Variants in SLC30A9 observed in about 807,000 individuals in gnomAD.
SLC30A9 encodes the protein proton-coupled zinc antiporter SLC30A9, mitochondrial.
In SLC30A9, 58 loss-of-function variants were observed where a neutral mutation model predicts 87.5. The observed-to-expected ratio is 0.66, with a 90% CI of 0.54 to 0.82. The LOEUF is 0.82. Among genes scored for constraint, SLC30A9 ranks in the 40% least tolerant of loss-of-function variants. The pLI is 0.00. For synonymous variants in SLC30A9, 234 were observed against 233.0 expected (o/e 1.00, Z -0.04); for missense variants, 557 against 679.1 (o/e 0.82, Z 2.00).
intron 8 of SLC30A9, among the ~76,000 whole-genome samples, 181 bp from the exon 9 acceptor site, chr4:42,049,196 C>T (rs1717286922): frequency 6.6e-6 from 1 of 152,040 alleles, no homozygotes. Flanking sequence ...GAACTCCTGT[C>T]CTCAAGCCAT....
chr4:42,065,423 G>A, intron 12 of SLC30A9, 74 bp downstream of exon 12: 1 of 855,912 alleles, frequency 1.2e-6, no homozygotes. Context: ...ATTATAGTTT[G>A]CTAAGTTCTG....
At chr4:42,021,620 C>T (rs576908761) in intron 4 of SLC30A9, among the ~76,000 whole-genome samples, 1 of 152,182 alleles carries the variant, frequency 6.6e-6, no homozygotes, top group Non-Finnish European at 1.5e-5. Context: ...TTTATGACAT[C>T]ATTCCTTTGA....
Position 42,022,910 on chromosome 4 carries a change from G to A in SLC30A9, c.507G>A (p.Leu169=). The stretch of plus-strand genomic sequence containing the variant: ...ATACTGAGTCTTTTACTGTATACTT[G>A]AGATCAGATGTGGAAGCAAAGTAAG... The part of the protein sequence containing the change: ...HEDTESFTVY[L]RSDVEAKSLE... Residue 169 remains leucine, a synonymous_variant, in exon 5 of 18, where the codon TTG becomes TTA. Transcript: ENST00000264451. 2 of 1,574,660 alleles carry A rather than the reference G, an allele frequency of 1.3e-6. No homozygotes were observed. Among genetic ancestry groups the A allele is most frequent in the Non-Finnish European group, 1.7e-6 (2 of 1,156,734 alleles).
intron 6 of SLC30A9, among the ~76,000 whole-genome samples, chr4:42,032,185 G>A (rs1180869206): frequency 6.6e-6 from 1 of 152,076 alleles, no homozygotes; most frequent in African/African-American, 2.4e-5. Context: ...AATCATTCAT[G>A]AGAATTCACC....
intron 10 of SLC30A9, among the ~76,000 whole-genome samples, chr4:42,061,639 T>C (rs1250817257): frequency 6.6e-6 from 1 of 152,240 alleles, no homozygotes; most frequent in Non-Finnish European, 1.5e-5. Flanking sequence ...GGCTCATGCC[T>C]GTAATCCCAG....
intron 8 of SLC30A9, among the ~76,000 whole-genome samples, chr4:42,043,847 C>T (rs1275044979): frequency 1.3e-5 from 2 of 152,178 alleles, no homozygotes; most frequent in East Asian, 3.9e-4. Flanking sequence ...CAAAGGGAAG[C>T]CCACCAGACT....
At chr4:42,001,568 C>T (rs747600903) in intron 1 of SLC30A9, 48 bp from the exon 2 acceptor site, 7 of 1,227,776 alleles carry the variant, frequency 5.7e-6, no homozygotes, top group African/African-American at 1.5e-5. Context: ...ATTAATTATG[C>T]AGCTAGGACT....
chr4:42,056,464 A>G (rs866958292), intron 9 of SLC30A9, among the ~76,000 whole-genome samples: 2 of 152,144 alleles, frequency 1.3e-5, no homozygotes, highest in Admixed American at 6.5e-5. Context: ...CCTTTTTAAA[A>G]CCATCAGATC....
intron 10 of SLC30A9, 64 bp downstream of exon 10, chr4:42,060,310 A>G (rs745978757): frequency 1.6e-6 from 2 of 1,234,864 alleles, no homozygotes; most frequent in Admixed American, 1.7e-5. Flanking sequence ...ATAACTAAAT[A>G]TCAGAAATCT....
At chr4:42,079,097 C>T (rs7660223) in intron 17 of SLC30A9, among the ~76,000 whole-genome samples, 98,210 of 151,886 alleles carry the variant, frequency 0.65, 36,634 homozygotes, top group East Asian at 0.96. Flanking sequence ...TGAGCTTTAT[C>T]TGACATAATT....
chr4:42,014,885 A>G (rs1185702436), intron 2 of SLC30A9, among the ~76,000 whole-genome samples: 1 of 152,150 alleles, frequency 6.6e-6, no homozygotes, highest in African/African-American at 2.4e-5. Flanking sequence ...AGAGAGTAGA[A>G]TGATGGTTAC....
chr4:41,993,032 G>A (rs532643826), intron 1 of SLC30A9, among the ~76,000 whole-genome samples: 48 of 151,870 alleles, frequency 3.2e-4, no homozygotes, highest in Non-Finnish European at 5.3e-4. Context: ...GCCTTTAAAG[G>A]CAAAATAGAA....
At chr4:42,033,995 C>T (rs1411938167) in intron 6 of SLC30A9, among the ~76,000 whole-genome samples, 1 of 150,138 alleles carries the variant, frequency 6.7e-6, no homozygotes, top group African/African-American at 2.4e-5. Flanking sequence ...TTCAATCATT[C>T]CCCCATAGGA....
At chr4:42,007,426 G>A (rs1715256928) in intron 2 of SLC30A9, among the ~76,000 whole-genome samples, 1 of 152,146 alleles carries the variant, frequency 6.6e-6, no homozygotes, top group Non-Finnish European at 1.5e-5. Context: ...GTTATCCAGT[G>A]AATCTACTAG....
intron 1 of SLC30A9, among the ~76,000 whole-genome samples, chr4:41,999,009 CAA>C (rs748399328): frequency 6.6e-6 from 1 of 152,052 alleles, no homozygotes; most frequent in East Asian, 1.9e-4. Context: ...AAAAAGCTAT[CAA>C]AGATTATGAA....
chr4:42,003,450 A>AT (rs1184710065), intron 2 of SLC30A9, among the ~76,000 whole-genome samples: 1 of 151,982 alleles, frequency 6.6e-6, no homozygotes, highest in African/African-American at 2.4e-5. Flanking sequence ...GGTTCTGTAA[A>AT]TTTTTGCTTT....
At chr4:42,071,761 A>G (rs1007091619) in intron 15 of SLC30A9, among the ~76,000 whole-genome samples, 1 of 152,104 alleles carries the variant, frequency 6.6e-6, no homozygotes, top group Non-Finnish European at 1.5e-5. Context: ...ATCCAAATTA[A>G]TATCCTTTCT....
intron 15 of SLC30A9, among the ~76,000 whole-genome samples, chr4:42,073,154 C>T (rs565146232): frequency 6.6e-6 from 1 of 152,246 alleles, no homozygotes; most frequent in South Asian, 2.1e-4. Flanking sequence ...GTGTGAGCAC[C>T]GTGCCCGGCC....
Position 42,060,250 on chromosome 4 carries a change from A to C in SLC30A9, c.896+4A>C. ...AAACACCAGATCCTTCTCATCCGTAAGGACATTGCCTTATTTTGTTTTTGT... is the reference window on the plus strand; with the variant it reads ...AAACACCAGATCCTTCTCATCCGTACGGACATTGCCTTATTTTGTTTTTGT... On this transcript the variant is annotated splice_donor_region_variant and intron_variant, in intron 10 of 17. Transcript: ENST00000264451. 1 of 1,608,144 alleles carries C rather than the reference A, an allele frequency of 6.2e-7. No individual in the cohort carries two copies. Among genetic ancestry groups the C allele is most frequent in the Non-Finnish European group, 8.5e-7 (1 of 1,175,024 alleles).
Sources: gnomAD v4.1 joint callset for allele counts (sites outside exome capture counted in the v4.1 genomes callset) on GRCh38, gnomAD v4.1.1 for gene constraint, MANE v1.5 for transcripts, NCBI Gene and HGNC (gene_info 2026-07-23, HGNC 2026-07-21) for gene names.